The following SMARCA5 variants were observed in gnomAD, a reference collection of about 807,000 sequenced individuals.
SMARCA5 encodes SNF2 related chromatin remodeling ATPase 5, also known as SWI/SNF-related matrix-associated actin-dependent regulator of chromatin subfamily A member 5.
In SMARCA5, 18 loss-of-function variants were observed where a neutral mutation model predicts 140.4. That is an observed-to-expected ratio of 0.13 (90% CI 0.09 to 0.19). The LOEUF (loss-of-function observed/expected upper bound fraction) is 0.19, where lower values mean the gene tolerates loss of function less well. SMARCA5 is among the 10% of genes least tolerant of loss of function. The probability of loss-of-function intolerance (pLI) is 1.00; values close to 1 mark genes in which losing one functional copy is unlikely to be tolerated. For synonymous variants in SMARCA5, 449 were observed against 419.6 expected, an observed-to-expected ratio of 1.07 and a Z score of -0.86; for missense variants, 606 against 1,276.8, an observed-to-expected ratio of 0.47 and a Z score of 8.01.
intron 10 of SMARCA5, among the ~76,000 whole-genome samples, chr4:143,535,866 A>G (rs1278224391): frequency 6.6e-6 from 1 of 152,118 alleles, no homozygotes; most frequent in Non-Finnish European, 1.5e-5. Context: ...GCTTTTTATA[A>G]TCTGGCCTTA....
chr4:143,554,124 G>A lies in SMARCA5; in HGVS notation c.*940G>A, dbSNP rs947445330. The A allele has an allele frequency of 6.6e-6, 1 of 152,034 alleles. No homozygotes were observed. The highest frequency in any genetic ancestry group is 6.6e-5 in the Admixed American group (1 of 15,264). The allele number at this position is 152,034 out of a possible 1,614,324, so 9.4% of individuals were successfully genotyped here. On this transcript the variant is annotated 3_prime_UTR_variant, in exon 24 of 24. Transcript: ENST00000283131. The stretch of plus-strand genomic sequence containing the variant: ...TTGTATTTTAAAGTAGTTTCTAAGT[G>A]TTAGCAAGACTGACTATAATTCCAG...
chr4:143,545,506 T>A lies in SMARCA5; in HGVS notation c.2320T>A (p.Phe774Ile), dbSNP rs748374408. 6.2e-7 allele frequency: 1 copy of A among 1,613,330 alleles called. No homozygotes were observed. The highest frequency in any genetic ancestry group is 8.5e-7 in the Non-Finnish European group (1 of 1,179,536). ...TCCAAAACAACCCAATGTTCAGGAT[T>A]TCCAGTTCTTTCCTCCACGTTTATT... is the stretch of plus-strand genomic sequence containing the variant. ...RPPKQPNVQDFQFFPPRLFEL... is the reference protein window; with the variant it reads ...RPPKQPNVQDIQFFPPRLFEL... The change falls in exon 18 of 24, where the codon TTC becomes ATC. Residue 774 changes from phenylalanine (F) to isoleucine (I), a missense_variant. Phe to Ile is a conservative substitution (Grantham distance 21). Around this residue, in one of 10 missense-constraint regions of SMARCA5, gnomAD observed 62 missense variants for 256.6 expected, o/e 0.24. Coordinates refer to ENST00000283131, the MANE Select transcript of SMARCA5 (RefSeq NM_003601.4).
At position 143,526,434 on chromosome 4, in the gene SMARCA5, T is replaced by G. The variant is rs1356584427; in HGVS notation, c.775T>G (p.Cys259Gly). Residue 259 changes from cysteine to glycine, a missense_variant, in exon 6 of 24, where the codon TGT becomes GGT. Physicochemically the swap from Cys to Gly is radical, Grantham distance 159. Coordinates refer to ENST00000283131, the MANE Select transcript of SMARCA5 (RefSeq NM_003601.4). The stretch of plus-strand genomic sequence containing the variant: ...ATGGGTACCAACACTTAGATCTGTT[T>G]GTTTGATAGGAGATAAAGAACAAAG... ...KRWVPTLRSV[C>G]LIGDKEQRAA... 1 of 1,610,504 alleles carries G rather than the reference T, an allele frequency of 6.2e-7. No individual in the cohort carries two copies. Among genetic ancestry groups the G allele is most frequent in the African/African-American group, 1.3e-5 (1 of 74,738 alleles).
At chr4:143,526,528 A>T in intron 6 of SMARCA5, 68 bp downstream of exon 6, 1 of 998,968 alleles carries the variant, frequency 1.0e-6, no homozygotes. Flanking sequence ...GGGTATGGGT[A>T]TAGCTGGAAG....
At chr4:143,545,686 A>T in intron 18 of SMARCA5, 103 bp downstream of exon 18, 1 of 812,476 alleles carries the variant, frequency 1.2e-6, no homozygotes. Flanking sequence ...AGTGTGAAAC[A>T]ATACTGCTTT....
chr4:143,514,362 C>T, intron 1 of SMARCA5: 1 of 456,098 alleles, frequency 2.2e-6, no homozygotes, highest in East Asian at 3.9e-5. Flanking sequence ...TGAACGCTCT[C>T]AGTGAACAGA....
rs757549634 is a variant in SMARCA5, at chr4:143,538,624, G to A, written c.1530G>A (p.Arg510=). ...SRVLIFSQMT[R]VLDILEDYCM... ...TACTAATCTTCAGTCAAATGACAAG[G>A]GTATTGGACATTTTGGAAGATTATT... Residue 510 remains arginine, a synonymous_variant, in exon 12 of 24, where the codon AGG becomes AGA. Coordinates refer to ENST00000283131, the MANE Select transcript of SMARCA5 (RefSeq NM_003601.4). The A allele has an allele frequency of 3.7e-6, 6 of 1,611,480 alleles. No homozygotes were observed. The Admixed American group carries it at 5.0e-5, about 13-fold the overall frequency.
chr4:143,513,932 C>T lies in SMARCA5; in HGVS notation c.8C>T (p.Ser3Phe), dbSNP rs895582831. Reference sequence around the variant, plus strand: ...TGACGCAGACGGAACATCATGTCGTCCGCGGCCGAGCCTCCGCCACCCCCG... The same window carrying T: ...TGACGCAGACGGAACATCATGTCGTTCGCGGCCGAGCCTCCGCCACCCCCG... Reference protein sequence around the residue: MSSAAEPPPPPPP... With the variant: MSFAAEPPPPPPP... Residue 3 changes from serine to phenylalanine, a missense_variant, in exon 1 of 24, where the codon TCC becomes TTC. Transcript: ENST00000283131. 3 of 1,544,478 alleles carry T rather than the reference C, an allele frequency of 1.9e-6. No homozygotes were observed. The highest frequency in any genetic ancestry group is 1.4e-5 in the African/African-American group (1 of 73,156).
chr4:143,525,061 T>A (rs1336918028), intron 4 of SMARCA5, among the ~76,000 whole-genome samples: 3 of 148,384 alleles, frequency 2.0e-5, no homozygotes, highest in Non-Finnish European at 4.5e-5. Context: ...TTTTTTTTTT[T>A]ACTAGAAAGA....
chr4:143,544,953 T>G (rs1737494060), intron 17 of SMARCA5, 106 bp downstream of exon 17: 1 of 585,752 alleles, frequency 1.7e-6, no homozygotes, highest in East Asian at 3.1e-5. Context: ...GTTTCTTTTT[T>G]TTTTTTTTTT....
intron 23 of SMARCA5, among the ~76,000 whole-genome samples, chr4:143,550,819 C>G (rs1737627174): frequency 6.6e-6 from 1 of 152,008 alleles, no homozygotes; most frequent in Non-Finnish European, 1.5e-5. Context: ...TTTCTTTATC[C>G]ATTTATCTGT....
intron 16 of SMARCA5, 68 bp downstream of exon 16, chr4:143,544,040 T>TA: frequency 8.3e-7 from 1 of 1,204,094 alleles, no homozygotes; most frequent in Non-Finnish European, 1.1e-6. Flanking sequence ...TTTTAAGTGT[T>TA]ACTGTAATGT....
rs1048629896 is a variant in SMARCA5 at position 143,547,565 on chromosome 4, G to C, written c.2772+62G>C. On this transcript the variant is annotated intron_variant, in intron 21 of 23. Coordinates refer to ENST00000283131, the MANE Select transcript of SMARCA5 (RefSeq NM_003601.4). ...ATAACTCCTAGCTGTGAGTATGAGA[G>C]AGTGACTTTTTATAAAGGAAAAGAA... The C allele has an allele frequency of 7.0e-6, 6 of 859,186 alleles. No homozygotes were observed. In the African/African-American group the frequency reaches 1.0e-4, roughly 15 times the overall value. 53.2% of individuals were successfully genotyped at this position (859,186 alleles called of 1,614,324 possible). A position where few individuals can be genotyped will look rare whatever the true frequency, so the allele number is the denominator to read the frequency against.
At chr4:143,528,899 G>C (rs1737126509) in intron 8 of SMARCA5, among the ~76,000 whole-genome samples, 185 bp downstream of exon 8, 1 of 151,932 alleles carries the variant, frequency 6.6e-6, no homozygotes, top group South Asian at 2.1e-4. Context: ...ATTTACTTTT[G>C]TGCCTTTGGT....
intron 1 of SMARCA5, chr4:143,514,504 T>G (rs771163576): frequency 3.6e-5 from 6 of 167,810 alleles, no homozygotes; most frequent in East Asian, 1.8e-4. Flanking sequence ...GATGACCCCT[T>G]AGGAGCGGGA....
intron 6 of SMARCA5, among the ~76,000 whole-genome samples, chr4:143,527,390 A>T (rs914509390): frequency 6.6e-6 from 1 of 152,214 alleles, no homozygotes; most frequent in African/African-American, 2.4e-5. Context: ...TTGGGAGCCC[A>T]AAGAGTGGTA....
intron 2 of SMARCA5, among the ~76,000 whole-genome samples, chr4:143,519,328 G>A (rs1306619889): frequency 1.3e-5 from 2 of 152,002 alleles, no homozygotes; most frequent in Admixed American, 6.6e-5. Flanking sequence ...GTTTACTTAC[G>A]AGTTTATTCT....
intron 3 of SMARCA5, 31 bp downstream of exon 3, chr4:143,521,626 C>G (rs369964610): frequency 8.5e-5 from 132 of 1,551,348 alleles, no homozygotes; most frequent in Admixed American, 5.8e-4. Context: ...CATAGTTCAA[C>G]CAAACTTATT....
At chr4:143,528,123 A>G in intron 7 of SMARCA5, 100 bp downstream of exon 7, 2 of 904,966 alleles carry the variant, frequency 2.2e-6, no homozygotes, top group Non-Finnish European at 3.2e-6. Flanking sequence ...ACATGTGCAG[A>G]ACGTGCAGGT....
Sources: gnomAD v4.1 joint callset for allele counts (sites outside exome capture counted in the v4.1 genomes callset) on GRCh38, gnomAD v4.1.1 for gene constraint, gnomAD v4.1.1 regional missense constraint, MANE v1.5 for transcripts, NCBI Gene and HGNC (gene_info 2026-07-23, HGNC 2026-07-21) for gene names.